Variants in CSMD1 observed in about 807,000 individuals in gnomAD.
CSMD1 encodes the protein CUB and sushi domain-containing protein 1.
CSMD1 carries 213 observed loss-of-function variants against 417.5 expected under a neutral mutation model. The ratio of observed to expected loss-of-function variants is 0.51; its 90% CI spans 0.46 to 0.57. The LOEUF is 0.57. CSMD1 is among the 20% of genes least tolerant of loss of function. The pLI is 0.00. For missense variants in CSMD1, 6,923 were observed against 4,529.7 expected (o/e 1.53, Z -15.17); for synonymous variants, 2,862 against 1,736.8 (o/e 1.65, Z -16.11).
chr8:4,526,112 A>T (rs374273116), intron 2 of CSMD1, among the ~76,000 whole-genome samples: 1 of 152,222 alleles, frequency 6.6e-6, no homozygotes, highest in Non-Finnish European at 1.5e-5. Context: ...AAAATGAGAC[A>T]AACTAAAAAT....
chr8:4,745,241 G>T (rs754198365), intron 1 of CSMD1, among the ~76,000 whole-genome samples: 1 of 152,006 alleles, frequency 6.6e-6, no homozygotes, highest in Non-Finnish European at 1.5e-5. Context: ...AGCAGTTTTT[G>T]GTCCTAGAGA....
intron 7 of CSMD1, among the ~76,000 whole-genome samples, chr8:3,628,279 A>G (rs1796593423): frequency 6.6e-6 from 1 of 152,132 alleles, no homozygotes; most frequent in African/African-American, 2.4e-5. Flanking sequence ...AAACAATCAC[A>G]AAAGCCCAGC....
intron 2 of CSMD1, among the ~76,000 whole-genome samples, chr8:4,569,287 T>A (rs1798767793): frequency 6.6e-6 from 1 of 152,230 alleles, no homozygotes; most frequent in Non-Finnish European, 1.5e-5. Flanking sequence ...GTCTAACATT[T>A]AAGTCTTTAA....
chr8:3,439,562 G>C (rs1052118034), intron 12 of CSMD1, among the ~76,000 whole-genome samples: 3 of 150,596 alleles, frequency 2.0e-5, no homozygotes, highest in Non-Finnish European at 4.4e-5. Flanking sequence ...GTTCTTATCA[G>C]ATACGTGGTT....
At chr8:3,388,973 T>A (rs1014465330) in intron 17 of CSMD1, among the ~76,000 whole-genome samples, 18 of 151,790 alleles carry the variant, frequency 1.2e-4, no homozygotes, top group African/African-American at 4.4e-4. Flanking sequence ...TATGACTTCT[T>A]CCAGGACACT....
chr8:4,758,870 G>C (rs964794146), intron 1 of CSMD1, among the ~76,000 whole-genome samples: 6 of 152,134 alleles, frequency 3.9e-5, no homozygotes, highest in African/African-American at 9.7e-5. Flanking sequence ...AATTCACAAA[G>C]TGATTTGGGT....
intron 3 of CSMD1, among the ~76,000 whole-genome samples, chr8:4,326,247 C>G (rs1381188906): frequency 6.6e-6 from 1 of 152,104 alleles, no homozygotes; most frequent in Non-Finnish European, 1.5e-5. Flanking sequence ...CTAAGATGAC[C>G]AAAGACTGCA....
intron 3 of CSMD1, among the ~76,000 whole-genome samples, chr8:4,389,995 T>G (rs1241662778): frequency 1.3e-5 from 2 of 152,230 alleles, no homozygotes; most frequent in Non-Finnish European, 2.9e-5. Context: ...GAATATTTTT[T>G]AACTTTCCTA....
chr8:4,176,417 A>C (rs942390369), intron 3 of CSMD1, among the ~76,000 whole-genome samples: 2 of 152,030 alleles, frequency 1.3e-5, no homozygotes, highest in African/African-American at 4.8e-5. Flanking sequence ...CTTATTTACC[A>C]TGATTTTTAC....
chr8:3,522,390 T>C (rs1378251545), intron 10 of CSMD1, among the ~76,000 whole-genome samples: 6 of 152,212 alleles, frequency 3.9e-5, no homozygotes, highest in Admixed American at 3.3e-4. Flanking sequence ...AAAATATATA[T>C]TGTTTCCATT....
At chr8:4,453,198 C>G (rs1016867503) in intron 2 of CSMD1, among the ~76,000 whole-genome samples, 2 of 117,020 alleles carry the variant, frequency 1.7e-5, no homozygotes, top group African/African-American at 6.5e-5. Context: ...CAGACACACC[C>G]ACACAGACAC....
chr8:4,304,280 C>T (rs912103978), intron 3 of CSMD1, among the ~76,000 whole-genome samples: 10 of 152,148 alleles, frequency 6.6e-5, no homozygotes, highest in South Asian at 2.1e-4. Context: ...ATTTTATTAA[C>T]GGGTAACATG....
At chr8:3,877,958 T>C (rs1009362199) in intron 5 of CSMD1, among the ~76,000 whole-genome samples, 14 of 151,944 alleles carry the variant, frequency 9.2e-5, no homozygotes, top group African/African-American at 3.1e-4. Context: ...ATCAAGGTCA[T>C]GCAAAGTTTT....
chr8:4,295,685 C>T (rs10105237), intron 3 of CSMD1, among the ~76,000 whole-genome samples: 133,922 of 141,384 alleles, frequency 0.95, 63,735 homozygotes, highest in South Asian at 1. Flanking sequence ...TTATATTATA[C>T]ATGTTATATA....
At chr8:3,321,007 A>C (rs969605334) in intron 23 of CSMD1, among the ~76,000 whole-genome samples, 5 of 152,282 alleles carry the variant, frequency 3.3e-5, no homozygotes, top group African/African-American at 9.6e-5. Context: ...TCTCTTCCCC[A>C]AAAATGGCCT....
intron 5 of CSMD1, among the ~76,000 whole-genome samples, chr8:3,876,618 C>G (rs1055768042): frequency 3.3e-5 from 5 of 152,014 alleles, no homozygotes; most frequent in African/African-American, 1.2e-4. Context: ...TTGTTTGTTT[C>G]TTTGTTTTTG....
intron 1 of CSMD1, among the ~76,000 whole-genome samples, chr8:4,812,978 G>A (rs923623466): frequency 1.3e-5 from 2 of 152,126 alleles, no homozygotes; most frequent in Non-Finnish European, 2.9e-5. Context: ...CACAAAAATA[G>A]TCTTGCCCTT....
At position 3,475,630 on chromosome 8, in the gene CSMD1, T is replaced by G. The variant is rs1041346639; in HGVS notation, c.1449-6806A>C. On this transcript the variant is annotated intron_variant, in intron 11 of 69. Coordinates refer to ENST00000635120, the MANE Select transcript of CSMD1 (RefSeq NM_033225.6). ...CTGAAGGAACTCTTCAGACCTAAAA[T>G]TCTGTGATCTTTTGCACAGATTTCA... Among the ~76,000 whole-genome samples the G allele has an allele frequency of 3.3e-5, 5 of 152,316 alleles. No homozygotes were observed. In the South Asian group the frequency reaches 1.0e-3, roughly 32 times the overall value.
At chr8:3,023,886 C>G (rs1356677001) in intron 51 of CSMD1, among the ~76,000 whole-genome samples, 1 of 151,428 alleles carries the variant, frequency 6.6e-6, no homozygotes, top group African/African-American at 2.4e-5. Flanking sequence ...ATGACTGCTC[C>G]TTACCTGCAC....
Sources: allele counts gnomAD v4.1 joint callset (sites outside exome capture counted in the v4.1 genomes callset), GRCh38; gene constraint gnomAD v4.1.1; transcripts MANE v1.5; gene names NCBI Gene and HGNC (gene_info 2026-07-23, HGNC 2026-07-21).